SKAP1: variants seen among roughly 807,000 people sequenced by gnomAD.
SKAP1 encodes the protein src kinase associated phosphoprotein 1, also known as src kinase-associated phosphoprotein 1.
A neutral mutation model predicts 58.5 loss-of-function variants in SKAP1; 44 were observed. That is an observed-to-expected ratio of 0.75 (90% CI 0.59 to 0.97). SKAP1 has a LOEUF of 0.97. Ranked by LOEUF, SKAP1 falls within the 50% of genes least tolerant of loss-of-function variation. The pLI, the probability that SKAP1 is intolerant of heterozygous loss-of-function variation, is 0.00. For synonymous variants in SKAP1, 127 were observed against 149.7 expected (o/e 0.85, Z 1.11); for missense variants, 390 against 435.2 (o/e 0.90, Z 0.92).
At chr17:48,212,424 C>T (rs2064884898) in intron 4 of SKAP1, among the ~76,000 whole-genome samples, 1 of 152,160 alleles carries the variant, frequency 6.6e-6, no homozygotes. Flanking sequence ...CTGAAGTTAA[C>T]TTCTATAACA....
At chr17:48,288,169 T>C (rs35532660) in intron 4 of SKAP1, among the ~76,000 whole-genome samples, 4,420 of 152,276 alleles carry the variant, frequency 0.029, 241 homozygotes, top group African/African-American at 0.1. Flanking sequence ...TTAAGACAAG[T>C]GGTAACATTT....
the SKAP1 span, among the ~76,000 whole-genome samples, chr17:48,438,811 C>CT: frequency 6.6e-6 from 1 of 152,112 alleles, no homozygotes; most frequent in East Asian, 1.9e-4. Context: ...GTCTGGAGAG[C>CT]TGCCAGCAGG....
intron 5 of SKAP1, among the ~76,000 whole-genome samples, 160 bp from the exon 6 acceptor site, chr17:48,188,086 A>C (rs1410447001): frequency 2.6e-5 from 4 of 152,134 alleles, no homozygotes; most frequent in African/African-American, 9.7e-5. Context: ...TCCCATATTG[A>C]CTCAGGGTCC....
chr17:48,310,278 G>T (rs1260502015), intron 4 of SKAP1, among the ~76,000 whole-genome samples: 1 of 152,156 alleles, frequency 6.6e-6, no homozygotes, highest in Non-Finnish European at 1.5e-5. Context: ...TGTTTCCCAA[G>T]AGAAATTTAC....
intron 6 of SKAP1, 43 bp downstream of exon 6, chr17:48,187,800 C>T (rs2064478548): frequency 2.2e-6 from 3 of 1,381,292 alleles, no homozygotes; most frequent in African/African-American, 2.9e-5. Flanking sequence ...GAAGTGTTTG[C>T]ATCCAGGAGT....
chr17:48,201,880 T>C (rs993450853), intron 4 of SKAP1, among the ~76,000 whole-genome samples: 9 of 152,234 alleles, frequency 5.9e-5, no homozygotes, highest in African/African-American at 2.2e-4. Context: ...TTCTGAGCTA[T>C]AGACTTTGAG....
At chr17:48,164,971 T>C (rs2064116614) in intron 10 of SKAP1, among the ~76,000 whole-genome samples, 1 of 152,242 alleles carries the variant, frequency 6.6e-6, no homozygotes. Flanking sequence ...ATGTATACAG[T>C]ACCTACTAAA....
At chr17:48,340,140 A>G (rs781775239) in intron 4 of SKAP1, among the ~76,000 whole-genome samples, 1 of 152,150 alleles carries the variant, frequency 6.6e-6, no homozygotes, top group Non-Finnish European at 1.5e-5. Context: ...AGGTCATGCC[A>G]CTGCACTCCA....
intron 4 of SKAP1, among the ~76,000 whole-genome samples, chr17:48,277,781 T>C (rs1392259638): frequency 6.6e-6 from 1 of 152,132 alleles, no homozygotes; most frequent in Non-Finnish European, 1.5e-5. Context: ...TTTATTTTTA[T>C]TTTTGTTAAT....
At chr17:48,338,825 G>A (rs1158284861) in intron 4 of SKAP1, among the ~76,000 whole-genome samples, 1 of 152,098 alleles carries the variant, frequency 6.6e-6, no homozygotes, top group Non-Finnish European at 1.5e-5. Flanking sequence ...ATAAATTACT[G>A]TCAACTTGGA....
At chr17:48,288,830 T>C (rs1173144811) in intron 4 of SKAP1, among the ~76,000 whole-genome samples, 1 of 152,184 alleles carries the variant, frequency 6.6e-6, no homozygotes, top group African/African-American at 2.4e-5. Context: ...ACAGTGATTT[T>C]GAGAAAATAC....
At chr17:48,306,408 G>A (rs966247478) in intron 4 of SKAP1, among the ~76,000 whole-genome samples, 1 of 152,074 alleles carries the variant, frequency 6.6e-6, no homozygotes, top group Non-Finnish European at 1.5e-5. Context: ...GTTCATAAGA[G>A]GACTTACTTC....
intron 4 of SKAP1, among the ~76,000 whole-genome samples, chr17:48,337,855 T>C (rs943571450): frequency 2.6e-4 from 39 of 152,262 alleles, no homozygotes; most frequent in African/African-American, 9.4e-4. Flanking sequence ...TTGAAAAGCA[T>C]GCTGAGATCA....
chr17:48,247,860 C>T (rs1487999229), intron 4 of SKAP1, among the ~76,000 whole-genome samples: 1 of 152,184 alleles, frequency 6.6e-6, no homozygotes, highest in Non-Finnish European at 1.5e-5. Context: ...AGGCATATCT[C>T]TATTACAATG....
intron 2 of SKAP1, among the ~76,000 whole-genome samples, chr17:48,374,207 G>GTT (rs5820697): frequency 5.5e-5 from 5 of 90,288 alleles, no homozygotes; most frequent in Non-Finnish European, 9.0e-5. Flanking sequence ...GCTAATTTTT[G>GTT]TTTTTTTTTT....
intron 2 of SKAP1, among the ~76,000 whole-genome samples, chr17:48,388,331 G>A (rs765017061): frequency 6.6e-6 from 1 of 152,096 alleles, no homozygotes; most frequent in Non-Finnish European, 1.5e-5. Flanking sequence ...CTACTCACGA[G>A]GCTGAGGCAG....
chr17:48,431,573 A>T (rs2067916167), upstream of SKAP1, among the ~76,000 whole-genome samples: 2 of 152,246 alleles, frequency 1.3e-5, no homozygotes, highest in Non-Finnish European at 2.9e-5. Context: ...CTTGAAAGTC[A>T]GAATAGGAAT....
intron 11 of SKAP1, among the ~76,000 whole-genome samples, chr17:48,141,373 G>GGTTTCT (rs1555589696): frequency 1.3e-5 from 2 of 148,644 alleles, no homozygotes; most frequent in Non-Finnish European, 3.0e-5. Context: ...CTTGTTAACT[G>GGTTTCT]GTTTTTGTTT....
chr17:48,250,372 C>T (rs1198615932), intron 4 of SKAP1, among the ~76,000 whole-genome samples: 1 of 141,624 alleles, frequency 7.1e-6, no homozygotes. Flanking sequence ...ACCTCTGCCT[C>T]CTGGGTTCAA....
Sources: allele counts gnomAD v4.1 joint callset (sites outside exome capture counted in the v4.1 genomes callset), GRCh38; gene constraint gnomAD v4.1.1; transcripts MANE v1.5; gene names NCBI Gene and HGNC (gene_info 2026-07-23, HGNC 2026-07-21).